Variants in ALG14 observed in about 807,000 individuals in gnomAD.
The protein encoded by ALG14 is UDP-N-acetylglucosamine transferase subunit ALG14.
Under a neutral mutation model 22.8 loss-of-function variants are expected in ALG14, and 17 were observed. The ratio of observed to expected loss-of-function variants is 0.75; its 90% CI spans 0.51 to 1.12. ALG14 has a LOEUF of 1.12. ALG14 is among the 50% of genes most tolerant of loss of function. The pLI, the probability that ALG14 is intolerant of heterozygous loss-of-function variation, is 0.00. For missense variants in ALG14, 288 were observed against 271.8 expected, an observed-to-expected ratio of 1.06 and a Z score of -0.42; for synonymous variants, 89 against 103.7, an observed-to-expected ratio of 0.86 and a Z score of 0.86.
rs1006151623 is a variant in ALG14, at chr1:95,064,944, A to C, written c.210T>G (p.Ile70Met). The change falls in exon 2 of 4, where the codon ATT becomes ATG. Residue 70 changes from isoleucine to methionine, a missense_variant. Coordinates refer to ENST00000370205, the MANE Select transcript of ALG14 (RefSeq NM_144988.4). ...SNAYSPRHYV[I>M]ADTDEMSANK... Reference sequence around the variant, plus strand: ...TGGCACTCATTTCATCAGTGTCAGCAATGACATAATGTCTAGGTGAGTAGG... The same window carrying C: ...TGGCACTCATTTCATCAGTGTCAGCCATGACATAATGTCTAGGTGAGTAGG... The C allele has an allele frequency of 1.2e-6, 2 of 1,614,010 alleles. No individual in the cohort carries two copies.
intron 1 of ALG14, among the ~76,000 whole-genome samples, chr1:95,069,563 A>G (rs896969721): frequency 1.1e-4 from 16 of 150,770 alleles, no homozygotes; most frequent in Non-Finnish European, 1.8e-4. Context: ...TCTTTATTCA[A>G]ACCTAGACTA....
chr1:95,032,871 G>C (rs1017006076), intron 2 of ALG14, among the ~76,000 whole-genome samples: 2 of 152,132 alleles, frequency 1.3e-5, no homozygotes, highest in African/African-American at 2.4e-5. Context: ...AATCTTAAGA[G>C]AGTTTTTATT....
chr1:95,006,883 T>G (rs542832539), intron 3 of ALG14, among the ~76,000 whole-genome samples: 1 of 152,360 alleles, frequency 6.6e-6, no homozygotes, highest in South Asian at 2.1e-4. Flanking sequence ...GTTTCTTATA[T>G]AACTCGGTTT....
Position 94,981,419 on chromosome 1 carries a change from T to C in ALG14, c.*1657A>G, listed in dbSNP as rs1672489464. 6.6e-6 allele frequency: 1 copy of C among 150,686 alleles called. No homozygotes were observed. Among genetic ancestry groups the C allele is most frequent in the Admixed American group, 6.6e-5 (1 of 15,126 alleles). 9.3% of individuals were successfully genotyped at this position (150,686 alleles called of 1,614,324 possible). ...ATGTCCGGCTGACAGATGCGCCTGT[T>C]ACATGATTCAGAGAAGACAGTTTTT... On this transcript the variant is annotated 3_prime_UTR_variant, in exon 4 of 4. Transcript: ENST00000370205.
At position 94,983,216 on chromosome 1, in the gene ALG14, A is replaced by G; in HGVS notation, c.511T>C (p.Tyr171His). Reference protein sequence around the residue: ...ILGIKKVIIVYVESICRVETL... With the variant: ...ILGIKKVIIVHVESICRVETL... ...TCTACACGGCAGATGCTTTCAACGT[A>G]GACAATGATCACTTTCTTTATTCCT... Residue 171 changes from tyrosine (Y) to histidine (H), a missense_variant, in exon 4 of 4, where the codon TAC becomes CAC. By Grantham distance (83) the Tyr-to-His change is moderately conservative. Transcript: ENST00000370205. The G allele has an allele frequency of 1.2e-6, 2 of 1,614,200 alleles. No individual in the cohort carries two copies. The highest frequency in any genetic ancestry group is 1.7e-6 in the Non-Finnish European group (2 of 1,180,028).
At chr1:95,013,467 C>G (rs2100752344) in intron 3 of ALG14, among the ~76,000 whole-genome samples, 1 of 152,028 alleles carries the variant, frequency 6.6e-6, no homozygotes, top group African/African-American at 2.4e-5. Flanking sequence ...CTACAGGTGC[C>G]AACCACCACG....
At chr1:95,065,934 T>C (rs955625234) in intron 1 of ALG14, among the ~76,000 whole-genome samples, 2 of 152,182 alleles carry the variant, frequency 1.3e-5, no homozygotes, top group Admixed American at 1.3e-4. Context: ...TATCTACCTA[T>C]CTATAAACGA....
rs1672378121 is a variant in ALG14 at position 94,975,673 on chromosome 1, T to C, written c.*7403A>G. 6.6e-6 allele frequency: 1 copy of C among 152,088 alleles called. No individual in the cohort carries two copies. Among genetic ancestry groups the C allele is most frequent in the Non-Finnish European group, 1.5e-5 (1 of 68,000 alleles). 9.4% of individuals were successfully genotyped at this position (152,088 alleles called of 1,614,324 possible). A position where few individuals can be genotyped will look rare whatever the true frequency, so the allele number is the denominator to read the frequency against. ...GTATTTTCTGGGTTTTCTTGGACTA[T>C]AGCCACCCTAGGGGGTTGCTGCCCT... On this transcript the variant is annotated 3_prime_UTR_variant, in exon 4 of 4. Transcript: ENST00000370205.
At chr1:95,008,797 G>A (rs1313514617) in intron 3 of ALG14, among the ~76,000 whole-genome samples, 1 of 151,984 alleles carries the variant, frequency 6.6e-6, no homozygotes, top group East Asian at 1.9e-4. Context: ...AACAGATACC[G>A]TGTATCCCTT....
At chr1:95,049,105 A>T in intron 2 of ALG14, among the ~76,000 whole-genome samples, 1 of 152,342 alleles carries the variant, frequency 6.6e-6, no homozygotes, top group South Asian at 2.1e-4. Flanking sequence ...ATAAAATTAT[A>T]CTAGTTTAAA....
chr1:95,008,615 G>A (rs1213406072), intron 3 of ALG14, among the ~76,000 whole-genome samples: 1 of 152,126 alleles, frequency 6.6e-6, no homozygotes, highest in African/African-American at 2.4e-5. Flanking sequence ...AAATGATCCA[G>A]TAAGTGGGTA....
Position 95,027,236 on chromosome 1 carries a change from T to C in ALG14, c.313A>G (p.Ile105Val), listed in dbSNP as rs746270285. 8 of 1,614,020 alleles carry C rather than the reference T, an allele frequency of 5.0e-6. No homozygotes were observed. The highest frequency in any genetic ancestry group is 2.2e-5 in the South Asian group (2 of 91,084). ...NMYTKYYIHR[I>V]PRSREVQQSW... Reference sequence around the variant, plus strand: ...TGCTGAACCTCCCGGCTTCTTGGAATTCGGTGAATGTAGTATTTGGTATAC... The same window carrying C: ...TGCTGAACCTCCCGGCTTCTTGGAACTCGGTGAATGTAGTATTTGGTATAC... The change falls in exon 3 of 4, where the codon ATT becomes GTT. Residue 105 changes from isoleucine (I) to valine (V), a missense_variant. By Grantham distance (29) the Ile-to-Val change is conservative. Coordinates refer to ENST00000370205, the MANE Select transcript of ALG14 (RefSeq NM_144988.4).
chr1:95,026,462 A>ATGTGTGTGTG (rs141495807), intron 3 of ALG14, among the ~76,000 whole-genome samples: 1,986 of 142,336 alleles, frequency 0.014, 16 homozygotes, highest in East Asian at 0.024. Flanking sequence ...AGCCCAAGGA[A>ATGTGTGTGTG]TGTGTGTGTG....
At chr1:95,025,877 A>AT (rs2100769392) in intron 3 of ALG14, among the ~76,000 whole-genome samples, 1 of 152,300 alleles carries the variant, frequency 6.6e-6, no homozygotes, top group African/African-American at 2.4e-5. Flanking sequence ...AACTTTCTCC[A>AT]TATCAGCAAT....
Position 94,983,191 on chromosome 1 carries a change from T to C in ALG14, c.536A>G (p.Glu179Gly), listed in dbSNP as rs755797343. Residue 179 changes from glutamate to glycine, a missense_variant, in exon 4 of 4, where the codon GAA (glutamate) becomes GGA (glycine). By Grantham distance (98) the Glu-to-Gly change is moderately conservative. Coordinates refer to ENST00000370205, the MANE Select transcript of ALG14 (RefSeq NM_144988.4). The stretch of plus-strand genomic sequence containing the variant: ...AATCTTTCCGGACATGGATAACGTT[T>C]CTACACGGCAGATGCTTTCAACGTA... ...IVYVESICRV[E>G]TLSMSGKILF... 1 of 1,614,184 alleles carries C rather than the reference T, an allele frequency of 6.2e-7. No homozygotes were observed. Among genetic ancestry groups the C allele is most frequent in the Non-Finnish European group, 8.5e-7 (1 of 1,180,024 alleles).
At chr1:94,986,403 G>A (rs1272174822) in intron 3 of ALG14, among the ~76,000 whole-genome samples, 1 of 152,188 alleles carries the variant, frequency 6.6e-6, no homozygotes, top group Non-Finnish European at 1.5e-5. Flanking sequence ...TGACTCAAAT[G>A]TTTCCTTTGC....
intron 2 of ALG14, among the ~76,000 whole-genome samples, chr1:95,038,493 C>CAACA (rs775946761): frequency 9.9e-5 from 15 of 151,376 alleles, no homozygotes; most frequent in South Asian, 6.3e-4. Context: ...ATCTCAAAAA[C>CAACA]AACAAACAAA....
At chr1:95,055,764 G>A (rs946347450) in intron 2 of ALG14, among the ~76,000 whole-genome samples, 3 of 150,042 alleles carry the variant, frequency 2.0e-5, no homozygotes, top group Admixed American at 6.7e-5. Context: ...AGGCCCAGGC[G>A]GGCGGATCAC....
intron 2 of ALG14, among the ~76,000 whole-genome samples, chr1:95,037,225 G>A (rs1032637908): frequency 1.3e-5 from 2 of 152,170 alleles, no homozygotes; most frequent in African/African-American, 4.8e-5. Context: ...TCAGCCGGAC[G>A]GTTTGGTGGT....
Sources: allele counts gnomAD v4.1 joint callset (sites outside exome capture counted in the v4.1 genomes callset), GRCh38; gene constraint gnomAD v4.1.1; transcripts MANE v1.5; gene names NCBI Gene and HGNC (gene_info 2026-07-23, HGNC 2026-07-21).